AKAP9: variants seen among roughly 807,000 people sequenced by gnomAD.
AKAP9 encodes A-kinase anchor protein 9.
Under a neutral mutation model 488.5 loss-of-function variants are expected in AKAP9, and 311 were observed. The ratio of observed to expected loss-of-function variants is 0.64; its 90% CI spans 0.58 to 0.70. AKAP9 has a LOEUF of 0.70. AKAP9 is among the 30% of genes least tolerant of loss of function. The pLI is 0.00. For missense variants in AKAP9, 4,215 were observed against 4,374.5 expected, an observed-to-expected ratio of 0.96 and a Z score of 1.03; for synonymous variants, 1,462 against 1,483.5, an observed-to-expected ratio of 0.99 and a Z score of 0.33.
rs138618360 is a variant in AKAP9 at position 91,947,804 on chromosome 7, T to C, written c.48+6657T>C. On this transcript the variant is annotated intron_variant, in intron 1 of 49. Coordinates refer to ENST00000356239, the MANE Select transcript of AKAP9 (RefSeq NM_005751.5). Reference sequence around the variant, plus strand: ...ATAAAGAAGCTATAATTTTTTTTAATTGAGGTGAAATTCATAAGCAAAATT... The same window carrying C: ...ATAAAGAAGCTATAATTTTTTTTAACTGAGGTGAAATTCATAAGCAAAATT... Among the ~76,000 whole-genome samples the C allele has an allele frequency of 2.5e-3, 377 of 152,332 alleles. 1 individual carries two copies. Among genetic ancestry groups the C allele is most frequent in the Non-Finnish European group, 3.7e-3 (255 of 68,030 alleles).
chr7:92,072,690 G>A (rs1201143692), intron 28 of AKAP9, among the ~76,000 whole-genome samples: 1 of 152,128 alleles, frequency 6.6e-6, no homozygotes, highest in East Asian at 1.9e-4. Context: ...TAGAAAATGG[G>A]GAAAGGAATA....
In AKAP9 at chr7:92,095,122, A is replaced by G. The variant is rs766928167; in HGVS notation, c.9678A>G (p.Lys3226=). 20 of 1,614,090 alleles carry G rather than the reference A, an allele frequency of 1.2e-5. No homozygotes were observed. The Admixed American group carries it at 3.2e-4, about 26-fold the overall frequency. ...GAGAGCTCCAGTGGGCTTTGGAGAA[A>G]GAGAAAGCCAAGTTGGGACGCAGTG... ...KSRELQWALE[K]EKAKLGRSEE... The change falls in exon 40 of 50, where the codon AAA becomes AAG. Residue 3226 remains lysine, a synonymous_variant. Transcript: ENST00000356239.
chr7:92,076,723 C>G, intron 28 of AKAP9, 132 bp from the exon 29 acceptor site: 1 of 524,768 alleles, frequency 1.9e-6, no homozygotes, highest in Non-Finnish European at 3.2e-6. Context: ...CTTAGAAAAA[C>G]CACATTCCTT....
chr7:92,070,139 A>G lies in AKAP9; in HGVS notation c.6440A>G (p.Glu2147Gly), dbSNP rs1296810241. ...RDIQERNEEIEKLEFRVRELE... is the reference protein window; with the variant it reads ...RDIQERNEEIGKLEFRVRELE... ...ATACAAGAAAGGAATGAAGAAATAG[A>G]GAAACTGGAGTTCAGAGTAAGAGAA... Residue 2147 changes from glutamate to glycine, a missense_variant, in exon 27 of 50, where the codon GAG becomes GGG. Physicochemically the swap from Glu to Gly is moderately conservative, Grantham distance 98. Around this residue, in one of 5 missense-constraint regions of AKAP9, gnomAD observed 2,361 missense variants for 2,430.0 expected, o/e 0.97. Transcript: ENST00000356239. The G allele has an allele frequency of 6.2e-7, 1 of 1,614,144 alleles. No homozygotes were observed. The highest frequency in any genetic ancestry group is 1.1e-5 in the South Asian group (1 of 91,088).
chr7:92,010,036 C>T (rs997720778), intron 8 of AKAP9, among the ~76,000 whole-genome samples: 5 of 152,256 alleles, frequency 3.3e-5, no homozygotes, highest in African/African-American at 1.2e-4. Flanking sequence ...GCACATAGCA[C>T]CATGCCTAGC....
chr7:92,085,971 T>C (rs969021257), intron 36 of AKAP9, among the ~76,000 whole-genome samples: 1 of 151,924 alleles, frequency 6.6e-6, no homozygotes, highest in African/African-American at 2.4e-5. Context: ...GGCGTGGTGG[T>C]GGGTGCCTGT....
chr7:91,947,406 G>A (rs1362548736), intron 1 of AKAP9, among the ~76,000 whole-genome samples: 6 of 151,284 alleles, frequency 4.0e-5, no homozygotes, highest in Non-Finnish European at 7.4e-5. Flanking sequence ...GCAGTGGCAC[G>A]ATCTCGGCTC....
At chr7:91,960,366 CAG>C (rs1372881759) in intron 1 of AKAP9, among the ~76,000 whole-genome samples, 1 of 152,122 alleles carries the variant, frequency 6.6e-6, no homozygotes, top group Non-Finnish European at 1.5e-5. Context: ...GGTGTAATGA[CAG>C]ATGAATGAAA....
At chr7:91,977,066 C>G (rs1042348703) in intron 2 of AKAP9, among the ~76,000 whole-genome samples, 2 of 150,982 alleles carry the variant, frequency 1.3e-5, no homozygotes, top group Non-Finnish European at 3.0e-5. Context: ...CGAGACCAGC[C>G]TGGGCAAAAA....
At chr7:92,081,497 A>ATATATAT (rs1370452281) in intron 31 of AKAP9, among the ~76,000 whole-genome samples, 3 of 85,378 alleles carry the variant, frequency 3.5e-5, no homozygotes, top group African/African-American at 1.2e-4. Context: ...ATATATATAT[A>ATATATAT]TTTTTTTTTT....
chr7:91,976,748 C>CTCT (rs10701373), intron 2 of AKAP9, among the ~76,000 whole-genome samples: 62,681 of 151,774 alleles, frequency 0.41, 13,364 homozygotes, highest in African/African-American at 0.51. Context: ...TGCTGATTCT[C>CTCT]TCTTCCTACT....
At chr7:92,065,193 T>C in intron 24 of AKAP9, 38 bp from the exon 25 acceptor site, 1 of 1,330,374 alleles carries the variant, frequency 7.5e-7, no homozygotes, top group South Asian at 1.3e-5. Flanking sequence ...AGATCATTAA[T>C]TGTGATTTAA....
At chr7:92,030,523 T>C (rs1804044150) in intron 15 of AKAP9, among the ~76,000 whole-genome samples, 1 of 151,462 alleles carries the variant, frequency 6.6e-6, no homozygotes, top group African/African-American at 2.4e-5. Context: ...TCGCCTGTAG[T>C]CCCAGCTGCT....
intron 1 of AKAP9, among the ~76,000 whole-genome samples, chr7:91,943,697 A>T (rs1294244547): frequency 6.6e-6 from 1 of 152,242 alleles, no homozygotes; most frequent in Non-Finnish European, 1.5e-5. Flanking sequence ...TCAAATAGTT[A>T]TTCATACATA....
intron 21 of AKAP9, among the ~76,000 whole-genome samples, chr7:92,050,014 T>C (rs1414719014): frequency 6.6e-6 from 1 of 152,068 alleles, no homozygotes; most frequent in African/African-American, 2.4e-5. Flanking sequence ...ATTTAAGAAG[T>C]GTTGAATTTT....
intron 7 of AKAP9, among the ~76,000 whole-genome samples, chr7:91,998,933 G>A (rs896477378): frequency 3.9e-5 from 6 of 152,114 alleles, no homozygotes; most frequent in African/African-American, 1.4e-4. Flanking sequence ...TGGGATTAAA[G>A]GAGATTAAAC....
chr7:91,995,859 T>A lies in AKAP9; in HGVS notation c.930+59T>A, dbSNP rs552984029. 5.5e-5 allele frequency: 74 copies of A among 1,334,766 alleles called. No individual in the cohort carries two copies. In the African/African-American group the frequency reaches 1.0e-3, roughly 19 times the overall value. The allele number at this position is 1,334,766 out of a possible 1,614,324, so 82.7% of individuals were successfully genotyped here. On this transcript the variant is annotated intron_variant, in intron 7 of 49. Transcript: ENST00000356239. ...AGAAGCTTTAGAGTTTCAAGTTTTTTATGCAAGTGGTTTTTTTTTGTTAGG... is the reference window on the plus strand; with the variant it reads ...AGAAGCTTTAGAGTTTCAAGTTTTTAATGCAAGTGGTTTTTTTTTGTTAGG...
chr7:91,948,910 G>A (rs1230406048), intron 1 of AKAP9, among the ~76,000 whole-genome samples: 2 of 150,966 alleles, frequency 1.3e-5, no homozygotes, highest in East Asian at 1.9e-4. Context: ...CACCATGCCC[G>A]ATTAATTTTT....
At chr7:92,016,067 A>T (rs1801470333) in intron 10 of AKAP9, 62 bp from the exon 11 acceptor site, 2 of 1,403,500 alleles carry the variant, frequency 1.4e-6, no homozygotes, top group South Asian at 1.2e-5. Flanking sequence ...AATTATGTTT[A>T]ATCTTTAGAA....
Sources: allele counts gnomAD v4.1 joint callset (sites outside exome capture counted in the v4.1 genomes callset), GRCh38; gene constraint gnomAD v4.1.1; regional missense constraint gnomAD v4.1.1; transcripts MANE v1.5; gene names NCBI Gene and HGNC (gene_info 2026-07-23, HGNC 2026-07-21).